TRAPPC10: variants seen among roughly 807,000 people sequenced by gnomAD.
TRAPPC10 encodes trafficking protein particle complex subunit 10, also known as TRAPP 130 kDa subunit.
Under a neutral mutation model 125.5 loss-of-function variants are expected in TRAPPC10, and 23 were observed. The observed-to-expected ratio is 0.18, with a 90% confidence interval of 0.13 to 0.26. The LOEUF (loss-of-function observed/expected upper bound fraction) is 0.26. Among genes scored for constraint, TRAPPC10 ranks in the 10% least tolerant of loss-of-function variants. The probability of loss-of-function intolerance (pLI) is 1.00; values close to 1 mark genes in which losing one functional copy is unlikely to be tolerated. For synonymous variants in TRAPPC10, 509 were observed against 518.0 expected (o/e 0.98, Z 0.24); for missense variants, 1,123 against 1,308.4 (o/e 0.86, Z 2.19).
Position 44,087,091 on chromosome 21 carries a change from T to A in TRAPPC10, c.2539+131T>A. 1 of 1,060,716 alleles carries A rather than the reference T, an allele frequency of 9.4e-7. No homozygotes were observed. Among genetic ancestry groups the A allele is most frequent in the Non-Finnish European group, 1.3e-6 (1 of 743,616 alleles). The allele number at this position is 1,060,716 out of a possible 1,614,324, so 65.7% of individuals were successfully genotyped here. On this transcript the variant is annotated intron_variant, in intron 16 of 22. Coordinates refer to ENST00000291574, the MANE Select transcript of TRAPPC10 (RefSeq NM_003274.5). This position sits in a 1 kb window ranked among gnomAD's most constrained non-coding sequence, Gnocchi z 4.6. ...AACAGTGTCTGGAGTCCGTGTTCCA[T>A]AGGAGCCCTGCGGCCTGATGCCTGT...
chr21:44,027,634 G>A (rs2033187101), intron 1 of TRAPPC10, among the ~76,000 whole-genome samples: 1 of 152,184 alleles, frequency 6.6e-6, no homozygotes, highest in Non-Finnish European at 1.5e-5. Context: ...TTCCATATGA[G>A]GGTTCAGGGT....
Position 44,059,365 on chromosome 21 carries a change from C to A in TRAPPC10, c.790+151C>A. ...TTATATCGGATATATTCTCGTGATT[C>A]CTAGAGGAAATGAAATGAGAATTAA... On this transcript the variant is annotated intron_variant, in intron 6 of 22. Coordinates refer to ENST00000291574, the MANE Select transcript of TRAPPC10 (RefSeq NM_003274.5). The surrounding 1 kb of genome is among the most constrained non-coding windows in gnomAD (Gnocchi z 4.4). 2.9e-6 allele frequency: 2 copies of A among 695,572 alleles called. No homozygotes were observed. The highest frequency in any genetic ancestry group is 2.2e-5 in the Admixed American group (1 of 44,654). The allele number at this position is 695,572 out of a possible 1,614,324, so 43.1% of individuals were successfully genotyped here. A position where few individuals can be genotyped will look rare whatever the true frequency, so the allele number is the denominator to read the frequency against.
chr21:44,077,832 C>G, intron 11 of TRAPPC10, 48 bp downstream of exon 11: 1 of 1,409,296 alleles, frequency 7.1e-7, no homozygotes, highest in South Asian at 1.2e-5. Flanking sequence ...ACAAATAACA[C>G]GAGAAGATTT....
chr21:44,084,957 G>A (rs1008575432), intron 15 of TRAPPC10, among the ~76,000 whole-genome samples: 2 of 152,212 alleles, frequency 1.3e-5, no homozygotes, highest in Non-Finnish European at 2.9e-5. Context: ...CTCCCTGGGC[G>A]CCACCCTCCA....
chr21:44,013,741 C>T (rs2031471370), intron 1 of TRAPPC10, among the ~76,000 whole-genome samples: 1 of 151,956 alleles, frequency 6.6e-6, no homozygotes, highest in Admixed American at 6.6e-5. Context: ...TTTTTTTCTA[C>T]AGAGACCTAG....
chr21:44,038,542 C>T (rs1019686829), intron 3 of TRAPPC10, among the ~76,000 whole-genome samples: 5 of 151,838 alleles, frequency 3.3e-5, no homozygotes, highest in South Asian at 2.1e-4. Context: ...GCCCTGTGGC[C>T]GCCACAGCTT....
chr21:44,081,972 T>C (rs1169521939), intron 13 of TRAPPC10, among the ~76,000 whole-genome samples: 5 of 152,154 alleles, frequency 3.3e-5, no homozygotes, highest in Non-Finnish European at 7.3e-5. Flanking sequence ...CCAAGCTGAC[T>C]GTTGGTAGAG....
intron 3 of TRAPPC10, chr21:44,046,317 G>T: frequency 3.9e-6 from 1 of 256,982 alleles, no homozygotes. Context: ...AGTATTTAGA[G>T]TCCTGAGAAA....
At chr21:44,033,447 G>A (rs1195140668) in intron 2 of TRAPPC10, among the ~76,000 whole-genome samples, 1 of 152,148 alleles carries the variant, frequency 6.6e-6, no homozygotes, top group South Asian at 2.1e-4. Flanking sequence ...GAGGCCCAGT[G>A]CTGTGAAAGA....
chr21:44,065,829 C>T (rs746612732), intron 7 of TRAPPC10, among the ~76,000 whole-genome samples: 4 of 152,206 alleles, frequency 2.6e-5, no homozygotes, highest in Non-Finnish European at 5.9e-5. Flanking sequence ...GGTAACTTCA[C>T]GTCAGAAGTG....
At chr21:44,035,341 G>A (rs774612066) in intron 2 of TRAPPC10, among the ~76,000 whole-genome samples, 8 of 152,138 alleles carry the variant, frequency 5.3e-5, no homozygotes, top group Non-Finnish European at 1.2e-4. Flanking sequence ...AACTGTGAGC[G>A]CAATAACCTT....
intron 7 of TRAPPC10, among the ~76,000 whole-genome samples, chr21:44,064,360 A>G (rs186232992): frequency 9.2e-5 from 14 of 151,980 alleles, no homozygotes; most frequent in Admixed American, 9.2e-4. Context: ...TGTAGTTAGT[A>G]AAACATTTGC....
intron 1 of TRAPPC10, among the ~76,000 whole-genome samples, chr21:44,020,604 A>G (rs1489150752): frequency 6.6e-6 from 1 of 152,072 alleles, no homozygotes; most frequent in East Asian, 1.9e-4. Flanking sequence ...ACTTCACTCC[A>G]GTCTGGGCGA....
chr21:44,040,337 A>G lies in TRAPPC10; in HGVS notation c.285+2410A>G, dbSNP rs530322123. 7.9e-5 allele frequency among the ~76,000 whole-genome samples: 12 copies of G among 151,588 alleles called. No homozygotes were observed. The South Asian group carries it at 2.5e-3, about 32-fold the overall frequency. The stretch of plus-strand genomic sequence containing the variant: ...TTTATTTTATTAGAGATTTTTAAAA[A>G]TTCTCTCTCTCTTTTTTTTTTTAAA... On this transcript the variant is annotated intron_variant, in intron 3 of 22. Coordinates refer to ENST00000291574, the MANE Select transcript of TRAPPC10 (RefSeq NM_003274.5).
chr21:44,017,127 A>G (rs924050879), intron 1 of TRAPPC10, among the ~76,000 whole-genome samples: 4 of 152,210 alleles, frequency 2.6e-5, no homozygotes, highest in African/African-American at 7.2e-5. Flanking sequence ...TCTCAAGGCA[A>G]TGTTGAACCA....
chr21:44,079,921 G>C (rs1601781863), intron 12 of TRAPPC10, 94 bp from the exon 13 acceptor site: 2 of 1,182,188 alleles, frequency 1.7e-6, no homozygotes, highest in Admixed American at 5.4e-5. Context: ...TTTGGCTTTT[G>C]AAGCCTCTGT....
intron 7 of TRAPPC10, among the ~76,000 whole-genome samples, chr21:44,067,791 AG>A (rs2036562406): frequency 6.6e-6 from 1 of 152,052 alleles, no homozygotes; most frequent in Admixed American, 6.6e-5. Context: ...GTGCTAGGGA[AG>A]CTTTCTAGAG....
At position 44,046,940 on chromosome 21, in the gene TRAPPC10, C is replaced by G. The variant is rs1175608553; in HGVS notation, c.286-5340C>G. On this transcript the variant is annotated intron_variant, in intron 3 of 22. Coordinates refer to ENST00000291574, the MANE Select transcript of TRAPPC10 (RefSeq NM_003274.5). ...ACTGGCCGTCCTACATTTCAGGTGT[C>G]GATGAATATGGCCCACTGGGAACTG... 11 of 831,394 alleles carry G rather than the reference C, an allele frequency of 1.3e-5. No homozygotes were observed. In the East Asian group the frequency reaches 3.0e-4, roughly 23 times the overall value. The allele number at this position is 831,394 out of a possible 1,614,324, so 51.5% of individuals were successfully genotyped here.
chr21:44,018,592 G>A (rs1175749861), intron 1 of TRAPPC10, among the ~76,000 whole-genome samples: 4 of 151,940 alleles, frequency 2.6e-5, no homozygotes, highest in East Asian at 1.9e-4. Context: ...CCAGCTACTC[G>A]GGAGGTTGAG....
Sources: gnomAD v4.1 joint callset for allele counts (sites outside exome capture counted in the v4.1 genomes callset) on GRCh38, gnomAD v4.1.1 for gene constraint, Gnocchi (gnomAD v3.1) non-coding constraint, MANE v1.5 for transcripts, NCBI Gene and HGNC (gene_info 2026-07-23, HGNC 2026-07-21) for gene names.